Variants in DTNB observed in about 807,000 individuals in gnomAD.
DTNB encodes the protein dystrobrevin beta.
A neutral mutation model predicts 90.7 loss-of-function variants in DTNB; 63 were observed. The ratio of observed to expected loss-of-function variants is 0.69; its 90% CI spans 0.57 to 0.86. The LOEUF is 0.86. Among genes scored for constraint, DTNB ranks in the 40% least tolerant of loss-of-function variants. DTNB has a pLI of 0.00. For missense variants in DTNB, 744 were observed against 807.1 expected, an observed-to-expected ratio of 0.92 and a Z score of 0.95; for synonymous variants, 277 against 286.7, an observed-to-expected ratio of 0.97 and a Z score of 0.34.
intron 9 of DTNB, 140 bp from the exon 10 acceptor site, chr2:25,483,013 C>A: frequency 1.2e-6 from 1 of 847,514 alleles, no homozygotes; most frequent in Non-Finnish European, 1.6e-6. Context: ...GGGGGGGGAC[C>A]CATGGGGAAG....
intron 8 of DTNB, among the ~76,000 whole-genome samples, chr2:25,566,306 G>T (rs142521243): frequency 6.6e-6 from 1 of 152,280 alleles, no homozygotes; most frequent in East Asian, 1.9e-4. Context: ...CAAATTGTGC[G>T]AACAGGGAGC....
intron 5 of DTNB, among the ~76,000 whole-genome samples, chr2:25,602,667 T>C (rs1179907041): frequency 6.6e-6 from 1 of 152,222 alleles, no homozygotes; most frequent in Non-Finnish European, 1.5e-5. Flanking sequence ...ATCTTTTCTC[T>C]GACTGCTGAT....
chr2:25,612,178 C>A (rs2068815226), intron 4 of DTNB, among the ~76,000 whole-genome samples: 3 of 151,930 alleles, frequency 2.0e-5, no homozygotes, highest in Admixed American at 1.3e-4. Flanking sequence ...ATAGTGAAGA[C>A]TGCTATCACA....
At chr2:25,504,556 G>C (rs2071840303) in intron 9 of DTNB, among the ~76,000 whole-genome samples, 1 of 128,666 alleles carries the variant, frequency 7.8e-6, no homozygotes, top group Non-Finnish European at 1.7e-5. Flanking sequence ...AGGCAAGGCA[G>C]AAAGAAAGAA....
intron 9 of DTNB, among the ~76,000 whole-genome samples, chr2:25,504,447 GGAAA>G (rs1030222849): frequency 1.5e-4 from 19 of 125,298 alleles, no homozygotes; most frequent in African/African-American, 4.3e-4. Flanking sequence ...AAAGAGAGAA[GGAAA>G]GAAAGGAAGG....
In DTNB at chr2:25,602,698, T is replaced by C. The variant is rs527354726; in HGVS notation, c.448+4538A>G. 2.6e-5 allele frequency among the ~76,000 whole-genome samples: 4 copies of C among 152,290 alleles called. No homozygotes were observed. In the South Asian group the frequency reaches 8.3e-4, roughly 32 times the overall value. ...CTGATAGTGTGGTCTATCAAAAACA[T>C]GCAAAAAGATAAATAATATAAATTA... On this transcript the variant is annotated intron_variant, in intron 5 of 20. Transcript: ENST00000406818.
At chr2:25,466,064 G>C (rs2061717915) in intron 10 of DTNB, among the ~76,000 whole-genome samples, 1 of 152,202 alleles carries the variant, frequency 6.6e-6, no homozygotes, top group South Asian at 2.1e-4. Context: ...GCCGGGTGTG[G>C]TGGCTCACGC....
At chr2:25,671,464 G>A (rs1411389031) in intron 1 of DTNB, among the ~76,000 whole-genome samples, 1 of 152,214 alleles carries the variant, frequency 6.6e-6, no homozygotes, top group South Asian at 2.1e-4. Context: ...GAGACCTGCT[G>A]GCTGTACAGC....
In DTNB at chr2:25,387,269, C is replaced by T; in HGVS notation, c.1825+20G>A. ...AAGGCAGGGGAGGCCAGGAAGCTGG[C>T]TGGGAGCTCTGGGTTTCACCTGAAT... On this transcript the variant is annotated intron_variant, in intron 18 of 20. Transcript: ENST00000406818. The surrounding 1 kb of genome is among the most constrained non-coding windows in gnomAD (Gnocchi z 4.5). 1.2e-6 allele frequency: 2 copies of T among 1,602,092 alleles called. No homozygotes were observed. The highest frequency in any genetic ancestry group is 1.7e-6 in the Non-Finnish European group (2 of 1,172,260).
At chr2:25,583,805 C>G (rs1360319380) in intron 6 of DTNB, among the ~76,000 whole-genome samples, 1 of 152,042 alleles carries the variant, frequency 6.6e-6, no homozygotes, top group Non-Finnish European at 1.5e-5. Context: ...AGGCGTGAAC[C>G]ACTGCACCCA....
At chr2:25,415,303 G>A (rs1407471632) in intron 16 of DTNB, among the ~76,000 whole-genome samples, 4 of 146,462 alleles carry the variant, frequency 2.7e-5, no homozygotes, top group Non-Finnish European at 5.9e-5. Flanking sequence ...CTGGAGTGCA[G>A]TGGCGTGATC....
At chr2:25,423,840 G>C (rs2050645862) in intron 15 of DTNB, among the ~76,000 whole-genome samples, 1 of 151,818 alleles carries the variant, frequency 6.6e-6, no homozygotes, top group African/African-American at 2.4e-5. Context: ...TTGTATTTTT[G>C]GTAGAGATGG....
intron 1 of DTNB, chr2:25,653,162 T>A (rs2081296474): frequency 6.6e-6 from 1 of 152,422 alleles, no homozygotes; most frequent in South Asian, 2.1e-4. Context: ...TGTGTCCCCA[T>A]CCAATTCTCA....
At chr2:25,445,043 AAG>A (rs890119326) in intron 12 of DTNB, among the ~76,000 whole-genome samples, 1 of 152,210 alleles carries the variant, frequency 6.6e-6, no homozygotes, top group African/African-American at 2.4e-5. Flanking sequence ...ATCAGGTGTA[AAG>A]AGACTTATCT....
intron 12 of DTNB, among the ~76,000 whole-genome samples, chr2:25,434,544 A>G (rs2055048107): frequency 6.6e-6 from 1 of 151,878 alleles, no homozygotes. Context: ...GACTAAAGGC[A>G]CATGCCACCG....
intron 20 of DTNB, among the ~76,000 whole-genome samples, chr2:25,378,249 A>G (rs1247835510): frequency 6.6e-6 from 1 of 152,060 alleles, no homozygotes; most frequent in Non-Finnish European, 1.5e-5. Context: ...CCTTGCCTGA[A>G]TGTGCACAGT....
In DTNB at chr2:25,383,866, C is replaced by G. The variant is rs200087086; in HGVS notation, c.1849G>C (p.Glu617Gln). ...HSAEEGAEEEEEKMQNGKDRG is the reference protein window; with the variant it reads ...HSAEEGAEEEQEKMQNGKDRG ...TCTTTCCCATTCTGCATCTTCTCTTCTTCTTCCTCTGCACCTTCCTCTGCT... is the reference window on the plus strand; with the variant it reads ...TCTTTCCCATTCTGCATCTTCTCTTGTTCTTCCTCTGCACCTTCCTCTGCT... The change falls in exon 19 of 21, where the codon GAA (glutamate) becomes CAA (glutamine). Residue 617 changes from glutamate (E) to glutamine (Q), a missense_variant. By Grantham distance (29) the Glu-to-Gln change is conservative. Coordinates refer to ENST00000406818, the MANE Select transcript of DTNB (RefSeq NM_021907.5). 18 of 1,614,076 alleles carry G rather than the reference C, an allele frequency of 1.1e-5. No individual in the cohort carries two copies. The highest frequency in any genetic ancestry group is 1.5e-5 in the Non-Finnish European group (18 of 1,179,910).
At chr2:25,671,811 G>C (rs1467397964) in intron 1 of DTNB, among the ~76,000 whole-genome samples, 1 of 152,126 alleles carries the variant, frequency 6.6e-6, no homozygotes, top group South Asian at 2.1e-4. Context: ...TAACCCAACA[G>C]GCACTGCAAC....
intron 9 of DTNB, among the ~76,000 whole-genome samples, chr2:25,515,633 G>A (rs1248717826): frequency 6.6e-6 from 1 of 151,858 alleles, no homozygotes; most frequent in Non-Finnish European, 1.5e-5. Flanking sequence ...TCTTGCTCAG[G>A]CTAGAGTGCA....
Sources: allele counts gnomAD v4.1 joint callset (sites outside exome capture counted in the v4.1 genomes callset), GRCh38; gene constraint gnomAD v4.1.1; non-coding constraint Gnocchi (gnomAD v3.1); transcripts MANE v1.5; gene names NCBI Gene and HGNC (gene_info 2026-07-23, HGNC 2026-07-21).